Variants in GABRB1 observed in about 807,000 individuals in gnomAD.
The protein encoded by GABRB1 is gamma-aminobutyric acid type A receptor subunit beta1, also known as gamma-aminobutyric acid receptor subunit beta-1.
Under a neutral mutation model 51.6 loss-of-function variants are expected in GABRB1, and 17 were observed. That is an observed-to-expected ratio of 0.33 (90% CI 0.23 to 0.49). The LOEUF is 0.49. Ranked by LOEUF, GABRB1 falls within the 20% of genes least tolerant of loss-of-function variation. GABRB1 has a pLI of 0.99. For synonymous variants in GABRB1, 247 were observed against 218.9 expected, an observed-to-expected ratio of 1.13 and a Z score of -1.14; for missense variants, 410 against 600.6, an observed-to-expected ratio of 0.68 and a Z score of 3.32.
At chr4:47,021,586 C>CT (rs1002864978) in intron 1 of GABRB1, among the ~76,000 whole-genome samples, 7 of 152,178 alleles carry the variant, frequency 4.6e-5, no homozygotes, top group African/African-American at 1.7e-4. Context: ...AATATTCCAA[C>CT]TTTTTTTTAC....
intron 4 of GABRB1, among the ~76,000 whole-genome samples, chr4:47,298,344 A>G (rs1030709002): frequency 2.8e-4 from 43 of 152,166 alleles, no homozygotes; most frequent in Non-Finnish European, 5.9e-5. Context: ...AAACCCCATC[A>G]TCTCAGCCCA....
intron 4 of GABRB1, among the ~76,000 whole-genome samples, chr4:47,182,052 T>C (rs181285951): frequency 6.6e-6 from 1 of 152,056 alleles, no homozygotes; most frequent in Non-Finnish European, 1.5e-5. Flanking sequence ...GACACAGATC[T>C]TGGAAATGCA....
intron 5 of GABRB1, among the ~76,000 whole-genome samples, chr4:47,344,911 C>T (rs980184832): frequency 6.6e-5 from 10 of 151,816 alleles, no homozygotes; most frequent in African/African-American, 1.9e-4. Flanking sequence ...TTAGTAGAGA[C>T]GGAGTTTCAC....
chr4:47,093,072 T>C (rs35839630), intron 3 of GABRB1, among the ~76,000 whole-genome samples: 38,339 of 152,240 alleles, frequency 0.25, 6,047 homozygotes, highest in Middle Eastern at 0.42. Context: ...TTCTCTTTTA[T>C]TAAGTTAATT....
At chr4:47,176,753 A>G (rs1239005179) in intron 4 of GABRB1, among the ~76,000 whole-genome samples, 1 of 152,118 alleles carries the variant, frequency 6.6e-6, no homozygotes. Flanking sequence ...AGAATTAACA[A>G]AAGGAGCCAA....
intron 4 of GABRB1, among the ~76,000 whole-genome samples, chr4:47,283,419 T>C (rs1723373830): frequency 8.5e-6 from 1 of 117,556 alleles, no homozygotes; most frequent in Non-Finnish European, 1.6e-5. Context: ...AGAGTCTCAG[T>C]CTGTCACCGA....
At chr4:47,393,939 C>T (rs1190596424) in intron 5 of GABRB1, among the ~76,000 whole-genome samples, 1 of 152,232 alleles carries the variant, frequency 6.6e-6, no homozygotes, top group Non-Finnish European at 1.5e-5. Context: ...CATTGATTTG[C>T]TTGCCAGTTT....
Position 47,016,781 on chromosome 4 carries a change from G to C in GABRB1, c.-19-15133G>C, listed in dbSNP as rs186651001. ...ATTTTTGTATTTTTAGTAGAGACAG[G>C]GTTTCACCTTATGGGCCAGGCTGGT... On this transcript the variant is annotated intron_variant, in intron 1 of 3. Coordinates refer to the GABRB1 transcript ENST00000513567. 1.2e-4 allele frequency among the ~76,000 whole-genome samples: 18 copies of C among 152,052 alleles called. 1 individual carries two copies. Among genetic ancestry groups the C allele is most frequent in the Admixed American group, 1.2e-3 (18 of 15,254 alleles).
intron 3 of GABRB1, among the ~76,000 whole-genome samples, chr4:47,122,363 G>A (rs557745985): frequency 2.0e-5 from 3 of 152,042 alleles, no homozygotes; most frequent in African/African-American, 7.2e-5. Context: ...CATTTGATAC[G>A]TTTCCCATGA....
At chr4:47,074,673 G>A (rs2109552768) in intron 3 of GABRB1, among the ~76,000 whole-genome samples, 1 of 152,244 alleles carries the variant, frequency 6.6e-6, no homozygotes, top group South Asian at 2.1e-4. Flanking sequence ...GGGTTCAGAG[G>A]CAGGAGTGAC....
upstream of GABRB1, among the ~76,000 whole-genome samples, chr4:47,029,633 A>C (rs1468402380): frequency 2.0e-5 from 3 of 151,970 alleles, no homozygotes; most frequent in Non-Finnish European, 2.9e-5. Flanking sequence ...TATCACAGTC[A>C]TAAAGATATT....
intron 1 of GABRB1, among the ~76,000 whole-genome samples, chr4:47,021,056 C>A (rs901864020): frequency 6.6e-6 from 1 of 152,158 alleles, no homozygotes; most frequent in Non-Finnish European, 1.5e-5. Context: ...TCAAATGTCA[C>A]CTTTTTATAC....
chr4:47,323,815 T>C (rs2109966547), intron 5 of GABRB1, among the ~76,000 whole-genome samples: 1 of 152,304 alleles, frequency 6.6e-6, no homozygotes, highest in Non-Finnish European at 1.5e-5. Flanking sequence ...CAAGTAAAAT[T>C]GAAAAAGCCA....
chr4:47,018,240 T>G lies in GABRB1; in HGVS notation c.-19-13674T>G, dbSNP rs534292593. The stretch of plus-strand genomic sequence containing the variant: ...ACAGGCTCTCCATATGTTGCCCAGG[T>G]TGGTCTTGAACTCCTGGCCTCTGTC... On this transcript the variant is annotated intron_variant, in intron 1 of 3. Coordinates refer to the GABRB1 transcript ENST00000513567. Among the ~76,000 whole-genome samples the G allele has an allele frequency of 1.2e-3, 189 of 151,812 alleles. 1 individual carries two copies. The highest frequency in any genetic ancestry group is 4.3e-3 in the African/African-American group (180 of 41,424).
At chr4:47,283,573 A>G (rs953836637) in intron 4 of GABRB1, among the ~76,000 whole-genome samples, 2 of 150,848 alleles carry the variant, frequency 1.3e-5, no homozygotes, top group Admixed American at 6.6e-5. Context: ...TATTTTTGGT[A>G]GAGACGGGGT....
intron 3 of GABRB1, among the ~76,000 whole-genome samples, chr4:47,122,675 TGA>T (rs1480059722): frequency 6.6e-6 from 1 of 152,136 alleles, no homozygotes; most frequent in Non-Finnish European, 1.5e-5. Context: ...AGGGGAAGTA[TGA>T]TAGACTTGGT....
chr4:47,013,527 T>G (rs1413841684), intron 1 of GABRB1, among the ~76,000 whole-genome samples: 2 of 152,206 alleles, frequency 1.3e-5, no homozygotes. Context: ...GTTTTTGAAC[T>G]AGGTGCTAAA....
At chr4:47,225,660 A>G (rs1235501715) in intron 4 of GABRB1, among the ~76,000 whole-genome samples, 3 of 152,182 alleles carry the variant, frequency 2.0e-5, no homozygotes, top group African/African-American at 2.4e-5. Flanking sequence ...AAAACACAGT[A>G]TAAGTGAAGT....
rs116060930 is a variant in GABRB1 at position 47,182,204 on chromosome 4, C to T, written c.461+20735C>T. Among the ~76,000 whole-genome samples the T allele has an allele frequency of 8.6e-3, 1,308 of 151,966 alleles. 15 individuals carry two copies. The highest frequency in any genetic ancestry group is 0.03 in the African/African-American group (1,236 of 41,458). On this transcript the variant is annotated intron_variant, in intron 4 of 8. Transcript: ENST00000295454. ...CAGCATGAGAGCCATTTCCTGGGAT[C>T]GCTCAGAAAAGCATGAGAGAAATTT... is the stretch of plus-strand genomic sequence containing the variant.
Sources: allele counts gnomAD v4.1 joint callset (sites outside exome capture counted in the v4.1 genomes callset), GRCh38; gene constraint gnomAD v4.1.1; transcripts MANE v1.5; gene names NCBI Gene and HGNC (gene_info 2026-07-23, HGNC 2026-07-21).